The following RP1 variants were observed in gnomAD, a reference collection of about 807,000 sequenced individuals.
RP1 encodes the protein RP1 axonemal microtubule associated, also known as oxygen-regulated protein 1.
Under a neutral mutation model 14.8 loss-of-function variants are expected in RP1, and 16 were observed. That is an observed-to-expected ratio of 1.08 (90% CI 0.73 to 1.65). RP1 has a LOEUF of 1.65. Among genes scored for constraint, RP1 ranks in the 40% most tolerant of loss-of-function variants. The pLI is 0.00. For missense variants in RP1, 2,631 were observed against 2,535.0 expected, an observed-to-expected ratio of 1.04 and a Z score of -0.81; for synonymous variants, 876 against 883.6, an observed-to-expected ratio of 0.99 and a Z score of 0.15.
downstream of RP1, among the ~76,000 whole-genome samples, chr8:54,633,737 C>A (rs7844330): frequency 0.28 from 33,072 of 118,390 alleles, 5,071 homozygotes; most frequent in Non-Finnish European, 0.35. Context: ...CTCTCTCTCT[C>A]TATATATATA....
intron 3 of RP1, among the ~76,000 whole-genome samples, chr8:54,637,401 A>G (rs751233035): frequency 1.3e-5 from 2 of 152,178 alleles, no homozygotes; most frequent in Non-Finnish European, 1.5e-5. Flanking sequence ...CCAGCATAGA[A>G]GTTTTACTTT....
rs191140929 is a variant in RP1, at chr8:54,571,949, G to A, written c.-13+12629G>A. 8.7e-4 allele frequency among the ~76,000 whole-genome samples: 133 copies of A among 152,256 alleles called. 1 individual carries two copies. Among genetic ancestry groups the A allele is most frequent in the African/African-American group, 2.7e-3 (114 of 41,554 alleles). On this transcript the variant is annotated intron_variant, in intron 1 of 22. Transcript: ENST00000636932. ...CCTCATCTTAACTTGATCATCTTAA[G>A]TTAAGTCATCTATTTGCAGATAAGG...
At chr8:54,602,213 T>C (rs1455027876) in intron 1 of RP1, among the ~76,000 whole-genome samples, 1 of 151,236 alleles carries the variant, frequency 6.6e-6, no homozygotes, top group Non-Finnish European at 1.5e-5. Flanking sequence ...CAGGCCCCAG[T>C]GTGTGATGTT....
intron 25 of RP1, among the ~76,000 whole-genome samples, chr8:54,848,972 C>T (rs112487195): frequency 0.07 from 10,725 of 152,186 alleles, 449 homozygotes; most frequent in Middle Eastern, 0.13. Flanking sequence ...TGGTCTTGAA[C>T]GCCTGACTTC....
intron 15 of RP1, among the ~76,000 whole-genome samples, chr8:54,716,362 CT>C (rs971064358): frequency 4.0e-5 from 6 of 151,572 alleles, no homozygotes; most frequent in East Asian, 1.9e-4. Context: ...ATTATTTATT[CT>C]TTTTTTCTCC....
chr8:54,805,887 T>C (rs1810836332), intron 24 of RP1, among the ~76,000 whole-genome samples: 1 of 152,160 alleles, frequency 6.6e-6, no homozygotes. Context: ...CTTCAGGATA[T>C]GTTAGGTGCT....
chr8:54,787,962 C>G (rs1221083106), intron 24 of RP1, among the ~76,000 whole-genome samples: 2 of 152,164 alleles, frequency 1.3e-5, no homozygotes, highest in East Asian at 3.8e-4. Flanking sequence ...TGCAACAATA[C>G]TTTATAATAT....
intron 3 of RP1, among the ~76,000 whole-genome samples, chr8:54,639,563 T>C (rs1806418386): frequency 6.6e-6 from 1 of 152,226 alleles, no homozygotes; most frequent in Admixed American, 6.5e-5. Flanking sequence ...TTCTGTATTC[T>C]GGTTTGCACT....
intron 14 of RP1, among the ~76,000 whole-genome samples, chr8:54,702,444 C>A (rs569611994): frequency 6.9e-4 from 105 of 152,208 alleles, no homozygotes; most frequent in African/African-American, 2.4e-3. Flanking sequence ...ATTAAGTGTA[C>A]AACAGCATTA....
intron 1 of RP1, among the ~76,000 whole-genome samples, chr8:54,597,640 A>C (rs1444114096): frequency 1.3e-5 from 2 of 152,244 alleles, no homozygotes; most frequent in South Asian, 2.1e-4. Context: ...GTTATTAATG[A>C]AACTCAAGTT....
chr8:54,738,880 A>AT, intron 18 of RP1: 1 of 1,117,524 alleles, frequency 8.9e-7, no homozygotes, highest in South Asian at 1.9e-5. Context: ...AAAAGAAAGA[A>AT]TTTTTTAATG....
At chr8:54,597,716 T>A (rs948090822) in intron 1 of RP1, among the ~76,000 whole-genome samples, 3 of 152,192 alleles carry the variant, frequency 2.0e-5, no homozygotes, top group Non-Finnish European at 4.4e-5. Flanking sequence ...AACATTATGC[T>A]AAATAAACAA....
At position 54,722,186 on chromosome 8, in the gene RP1, C is replaced by T. The variant is rs1344300172; in HGVS notation, c.2389+1880C>T. ...GGCGGAGGGTGCAGTGAGCTGAGAA[C>T]GCTCCCCTGCACTCTAGCTCCAAAA... On this transcript the variant is annotated intron_variant, in intron 16 of 22. Transcript: ENST00000636932. Among the ~76,000 whole-genome samples, 7 of 149,472 alleles carry T rather than the reference C, an allele frequency of 4.7e-5. 1 individual carries two copies. Among genetic ancestry groups the T allele is most frequent in the Admixed American group, 6.6e-5 (1 of 15,080 alleles).
chr8:54,818,979 T>C (rs958749302), intron 24 of RP1, among the ~76,000 whole-genome samples: 1 of 151,798 alleles, frequency 6.6e-6, no homozygotes, highest in Non-Finnish European at 1.5e-5. Flanking sequence ...GGGTGGGGAC[T>C]GGGGATGGGA....
chr8:54,698,102 G>T (rs1389864028), intron 12 of RP1, among the ~76,000 whole-genome samples: 1 of 152,088 alleles, frequency 6.6e-6, no homozygotes, highest in African/African-American at 2.4e-5. Context: ...GAGTGAACAG[G>T]CCACCTACAG....
intron 25 of RP1, among the ~76,000 whole-genome samples, chr8:54,845,929 A>G (rs1811907516): frequency 1.3e-5 from 2 of 152,190 alleles, no homozygotes; most frequent in Non-Finnish European, 2.9e-5. Context: ...CTATGCATTT[A>G]TAGACACATA....
At chr8:54,757,363 A>G (rs774684420) in intron 21 of RP1, among the ~76,000 whole-genome samples, 22 of 152,232 alleles carry the variant, frequency 1.4e-4, no homozygotes, top group Middle Eastern at 3.2e-3. Flanking sequence ...CAGAAAGCTG[A>G]CTCAGCCTAT....
At chr8:54,672,901 C>A (rs573612957) in intron 7 of RP1, among the ~76,000 whole-genome samples, 1 of 152,112 alleles carries the variant, frequency 6.6e-6, no homozygotes, top group Non-Finnish European at 1.5e-5. Context: ...TTATAAATAT[C>A]ATAACTCGTA....
intron 18 of RP1, chr8:54,734,874 A>C (rs2129356270): frequency 1.5e-6 from 1 of 664,078 alleles, no homozygotes; most frequent in South Asian, 4.5e-5. Flanking sequence ...AATGCCTGTA[A>C]GTTAATAATG....
Sources: gnomAD v4.1 joint callset for allele counts (sites outside exome capture counted in the v4.1 genomes callset) on GRCh38, gnomAD v4.1.1 for gene constraint, MANE v1.5 for transcripts, NCBI Gene and HGNC (gene_info 2026-07-23, HGNC 2026-07-21) for gene names.